Variants in P2RX4 observed in about 807,000 individuals in gnomAD.
P2RX4 encodes purinergic receptor P2X 4.
In P2RX4, 37 loss-of-function variants were observed where a neutral mutation model predicts 48.0. That is an observed-to-expected ratio of 0.77 (90% confidence interval 0.59 to 1.01). The LOEUF is 1.01. P2RX4 is among the 50% of genes least tolerant of loss of function. The probability of loss-of-function intolerance (pLI) is 0.00; values close to 1 mark genes in which losing one functional copy is unlikely to be tolerated. For synonymous variants in P2RX4, 200 were observed against 199.7 expected (o/e 1.00, Z -0.01); for missense variants, 501 against 521.4 (o/e 0.96, Z 0.38).
At chr12:121,215,082 A>G (rs902467422) in intron 1 of P2RX4, 1 of 152,158 alleles carries the variant, frequency 6.6e-6, no homozygotes, top group African/African-American at 2.4e-5. Flanking sequence ...GAAGCCTAGC[A>G]TTTCCTGATT....
chr12:121,228,383 A>T (rs57036920), intron 5 of P2RX4, 150 bp from the exon 6 acceptor site: 4,162 of 177,084 alleles, frequency 0.024, 65 homozygotes, highest in East Asian at 0.052. Flanking sequence ...AAAAAAAAAA[A>T]AAATATATAT....
intron 2 of P2RX4, among the ~76,000 whole-genome samples, chr12:121,219,615 G>GGATGGATGGATGGATGGATGGATA (rs1341119480): frequency 7.1e-6 from 1 of 140,532 alleles, no homozygotes; most frequent in African/African-American, 2.8e-5. Context: ...ATGGATGGAT[G>GGATGGATGGATGGATGGATGGATA]GATAGATAGA....
chr12:121,218,668 T>A (rs1566001165), intron 2 of P2RX4, among the ~76,000 whole-genome samples: 2 of 152,086 alleles, frequency 1.3e-5, no homozygotes, highest in Non-Finnish European at 2.9e-5. Context: ...AAGCCCCGCT[T>A]TTGTCCCTTG....
Position 121,222,150 on chromosome 12 carries a change from C to A in P2RX4, c.411C>A (p.Ala137=). 6.2e-7 allele frequency: 1 copy of A among 1,601,232 alleles called. No homozygotes were observed. Among genetic ancestry groups the A allele is most frequent in the South Asian group, 1.1e-5 (1 of 90,788 alleles). The stretch of plus-strand genomic sequence containing the variant: ...ATGCCAGCTGTACTGCCGGCTCTGC[C>A]GGCACCCACAGCAACGGTACGAGCT... ...KSDASCTAGS[A]GTHSNGVSTG... The change falls in exon 4 of 12, where the codon GCC becomes GCA. Residue 137 remains alanine (A), a synonymous_variant. Coordinates refer to ENST00000337233, the MANE Select transcript of P2RX4 (RefSeq NM_002560.3).
rs772949467 is a variant in P2RX4 at position 121,229,065 on chromosome 12, G to A, written c.850G>A (p.Val284Ile). The change falls in exon 8 of 12, where the codon GTT becomes ATT. Residue 284 changes from valine to isoleucine, a missense_variant. Physicochemically the swap from Val to Ile is conservative, Grantham distance 29 (BLOSUM62 3). Around this residue, in one of 3 missense-constraint regions of P2RX4, gnomAD observed 197 missense variants for 219.5 expected, o/e 0.90. Coordinates refer to ENST00000337233, the MANE Select transcript of P2RX4 (RefSeq NM_002560.3). The surrounding 1 kb of genome is among the most constrained non-coding windows in gnomAD (Gnocchi z 4.6). ...YSFRRLDTRD[V>I]EHNVSPGYNF... ...CTTCCGCCGCCTCGATACACGGGAC[G>A]TTGAGCACAACGTATCTCCTGGCTA... 92 of 1,614,026 alleles carry A rather than the reference G, an allele frequency of 5.7e-5. No individual in the cohort carries two copies. The highest frequency in any genetic ancestry group is 2.7e-4 in the East Asian group (12 of 44,892).
At position 121,221,984 on chromosome 12, in the gene P2RX4, G is replaced by A. The variant is rs1479891517; in HGVS notation, c.354G>A (p.Glu118=). ...TMNQTQGLCP[E]IPDATTVCKS... Reference sequence around the variant, plus strand: ...ACCAGACACAGGGCCTGTGCCCCGAGGTAGGAGGCCCCCGGGAAGAGCCCC... The same window carrying A: ...ACCAGACACAGGGCCTGTGCCCCGAAGTAGGAGGCCCCCGGGAAGAGCCCC... The change falls in exon 3 of 12, where the codon GAG becomes GAA. Residue 118 remains glutamate (E), a splice_region_variant and synonymous_variant. Transcript: ENST00000337233. The A allele has an allele frequency of 1.2e-6, 2 of 1,614,118 alleles. No homozygotes were observed. Among genetic ancestry groups the A allele is most frequent in the Admixed American group, 1.7e-5 (1 of 60,020 alleles).
At position 121,229,153 on chromosome 12, in the gene P2RX4, G is replaced by A. The variant is rs369449665; in HGVS notation, c.884+54G>A. 58 of 1,604,350 alleles carry A rather than the reference G, an allele frequency of 3.6e-5. No individual in the cohort carries two copies. In the African/African-American group the frequency reaches 5.3e-4, roughly 15 times the overall value. ...TGTTGTAGGGGGTGCTGGTGGCTGC[G>A]TACGTGCCAGTGGGCCGCCCACTGA... is the stretch of plus-strand genomic sequence containing the variant. On this transcript the variant is annotated intron_variant, in intron 8 of 11. Coordinates refer to ENST00000337233, the MANE Select transcript of P2RX4 (RefSeq NM_002560.3). This position sits in a 1 kb window ranked among gnomAD's most constrained non-coding sequence, Gnocchi z 4.6.
intron 1 of P2RX4, chr12:121,212,824 A>ATATATATATATATTTT (rs370835501): frequency 3.1e-5 from 1 of 32,252 alleles, no homozygotes; most frequent in Non-Finnish European, 4.8e-5. Context: ...ATATATATAT[A>ATATATATATATATTTT]TTTTTTTTTT....
chr12:121,222,223 G>A, intron 4 of P2RX4, 57 bp downstream of exon 4: 1 of 1,170,916 alleles, frequency 8.5e-7, no homozygotes, highest in Non-Finnish European at 1.3e-6. Flanking sequence ...CCCCCACTGT[G>A]GAGCGTCTCT....
intron 11 of P2RX4, 55 bp from the exon 12 acceptor site, chr12:121,233,468 G>C (rs1044643331): frequency 2.5e-6 from 4 of 1,573,362 alleles, no homozygotes; most frequent in Non-Finnish European, 3.5e-6. Context: ...CCTCCCTCCC[G>C]CCTGCCACAA....
chr12:121,221,257 A>G (rs1384430557), intron 2 of P2RX4, among the ~76,000 whole-genome samples: 1 of 151,794 alleles, frequency 6.6e-6, no homozygotes, highest in African/African-American at 2.4e-5. Context: ...ACCTCAGGTG[A>G]TCCTCCTGCC....
Position 121,217,120 on chromosome 12 carries a change from GT to G in P2RX4, c.135-10del. ...ATCCTAATGGCAATTTAAGAGGCCTGTTTTATTTTATAGGTGGGTGTTTGTG... is the reference window on the plus strand; with the variant it reads ...ATCCTAATGGCAATTTAAGAGGCCTGTTTATTTTATAGGTGGGTGTTTGTG... On this transcript the variant is annotated splice_polypyrimidine_tract_variant and intron_variant, in intron 1 of 11. Coordinates refer to ENST00000337233, the MANE Select transcript of P2RX4 (RefSeq NM_002560.3). 6.2e-7 allele frequency: 1 copy of G among 1,613,756 alleles called. No homozygotes were observed. Among genetic ancestry groups the G allele is most frequent in the Non-Finnish European group, 8.5e-7 (1 of 1,179,640 alleles).
intron 8 of P2RX4, among the ~76,000 whole-genome samples, chr12:121,231,465 C>T (rs77289077): frequency 0.085 from 12,873 of 152,252 alleles, 689 homozygotes; most frequent in Non-Finnish European, 0.12. Flanking sequence ...TGTCATCCCC[C>T]GGCCCCTGGC....
intron 1 of P2RX4, 128 bp downstream of exon 1, chr12:121,210,426 C>A: frequency 1.1e-6 from 1 of 945,302 alleles, no homozygotes; most frequent in Non-Finnish European, 1.4e-6. Context: ...GACACCTTCC[C>A]TGGGCCCCAG....
chr12:121,212,820 A>ATG (rs1268523637), intron 1 of P2RX4: 2 of 42,762 alleles, frequency 4.7e-5, no homozygotes, highest in Non-Finnish European at 7.7e-5. Context: ...ATATATATAT[A>ATG]TATATTTTTT....
chr12:121,217,958 C>CTGTTTACCTGTG (rs1886341343), intron 2 of P2RX4, among the ~76,000 whole-genome samples: 1 of 152,058 alleles, frequency 6.6e-6, no homozygotes, highest in Non-Finnish European at 1.5e-5. Flanking sequence ...CTCTTTAGTC[C>CTGTTTACCTGTG]TGGTAACAGC....
rs1360819346 is a variant in P2RX4, at chr12:121,232,984, A to G, written c.1045-13A>G. 6 of 1,590,622 alleles carry G rather than the reference A, an allele frequency of 3.8e-6. No homozygotes were observed. In the African/African-American group the frequency reaches 4.0e-5, roughly 11 times the overall value. On this transcript the variant is annotated splice_polypyrimidine_tract_variant and intron_variant, in intron 10 of 11. Transcript: ENST00000337233. The surrounding 1 kb of genome is among the most constrained non-coding windows in gnomAD (Gnocchi z 4.3). ...AAGCATCCTGGCTCACTCTCACCCT[A>G]TGCTAAACTCAGGCGACCGTGCTGT...
chr12:121,215,170 TG>T (rs1886143089), intron 1 of P2RX4: 1 of 152,204 alleles, frequency 6.6e-6, no homozygotes, highest in South Asian at 2.1e-4. Flanking sequence ...TTTGTAGTAC[TG>T]GCCAATTTCC....
At chr12:121,222,718 C>T in intron 4 of P2RX4, 4 of 1,478,202 alleles carry the variant, frequency 2.7e-6, no homozygotes, top group Non-Finnish European at 3.6e-6. Context: ...GGCCTCTTGT[C>T]CCATTCTTTA....
Sources: gnomAD v4.1 joint callset for allele counts (sites outside exome capture counted in the v4.1 genomes callset) on GRCh38, gnomAD v4.1.1 for gene constraint, gnomAD v4.1.1 regional missense constraint, Gnocchi (gnomAD v3.1) non-coding constraint, MANE v1.5 for transcripts, NCBI Gene and HGNC (gene_info 2026-07-23, HGNC 2026-07-21) for gene names.